Variants in NTNG2 observed in about 807,000 individuals in gnomAD.
The protein encoded by NTNG2 is netrin-G2.
Under a neutral mutation model 47.6 loss-of-function variants are expected in NTNG2, and 15 were observed. The observed-to-expected ratio is 0.32, with a 90% confidence interval of 0.21 to 0.49. NTNG2 has a LOEUF of 0.49. Among genes scored for constraint, NTNG2 ranks in the 20% least tolerant of loss-of-function variants. The pLI, the probability that NTNG2 is intolerant of heterozygous loss-of-function variation, is 0.99. For synonymous variants in NTNG2, 307 were observed against 324.6 expected (o/e 0.95, Z 0.58); for missense variants, 578 against 764.6 (o/e 0.76, Z 2.88).
chr9:132,198,694 A>AACATC, intron 3 of NTNG2, 85 bp downstream of exon 3: 4 of 1,375,138 alleles, frequency 2.9e-6, no homozygotes, highest in Non-Finnish European at 3.0e-6. Flanking sequence ...CTGGGATGTT[A>AACATC]CCTGGTATGT....
At chr9:132,235,749 T>C (rs1841576922) in intron 5 of NTNG2, among the ~76,000 whole-genome samples, 1 of 152,192 alleles carries the variant, frequency 6.6e-6, no homozygotes, top group South Asian at 2.1e-4. Flanking sequence ...GTGATGGGCC[T>C]GAGACCCCGG....
rs911743070 is a variant in NTNG2 at position 132,163,256 on chromosome 9, G to A, written c.-484+1017G>A. Among the ~76,000 whole-genome samples the A allele has an allele frequency of 6.6e-6, 1 of 152,090 alleles. No individual in the cohort carries two copies. Among genetic ancestry groups the A allele is most frequent in the African/African-American group, 2.4e-5 (1 of 41,432 alleles). ...GCACAGGGCTCGCAGCCGGCCCGAA[G>A]CACTGACTCGACCCTGGCCCCGGCC... On this transcript the variant is annotated intron_variant, in intron 1 of 7. Transcript: ENST00000393229. This position sits in a 1 kb window ranked among gnomAD's most constrained non-coding sequence, Gnocchi z 7.2.
At chr9:132,185,311 G>A (rs1837275208) in intron 2 of NTNG2, among the ~76,000 whole-genome samples, 1 of 152,212 alleles carries the variant, frequency 6.6e-6, no homozygotes, top group Non-Finnish European at 1.5e-5. Flanking sequence ...TCAGAGAAGA[G>A]GAGAGGGGGC....
intron 5 of NTNG2, among the ~76,000 whole-genome samples, chr9:132,237,706 G>T (rs1841728769): frequency 6.6e-6 from 1 of 152,234 alleles, no homozygotes; most frequent in Admixed American, 6.5e-5. Flanking sequence ...GGAGCTGGGA[G>T]CAGGTATGAG....
At chr9:132,179,333 G>A (rs922441662) in intron 2 of NTNG2, among the ~76,000 whole-genome samples, 9 of 152,176 alleles carry the variant, frequency 5.9e-5, no homozygotes, top group African/African-American at 1.7e-4. Flanking sequence ...GTGAGCTCCC[G>A]CCTATGTGTC....
At position 132,240,946 on chromosome 9, in the gene NTNG2, G is replaced by A. The variant is rs770040093; in HGVS notation, c.1259G>A (p.Arg420Gln). 6.2e-7 allele frequency: 1 copy of A among 1,612,646 alleles called. No individual in the cohort carries two copies. The highest frequency in any genetic ancestry group is 8.5e-7 in the Non-Finnish European group (1 of 1,179,816). Residue 420 changes from arginine (R) to glutamine (Q), a missense_variant, in exon 7 of 8, where the codon CGG becomes CAG. Arg to Gln is a conservative substitution (Grantham distance 43). Transcript: ENST00000393229. ...NCNQIGSVHD[R>Q]CNETGFCECR... is the part of the protein sequence containing the mutation. Reference sequence around the variant, plus strand: ...AACCAGATAGGCTCCGTGCACGACCGGTGCAACGAGACCGGCTTCTGCGAG... The same window carrying A: ...AACCAGATAGGCTCCGTGCACGACCAGTGCAACGAGACCGGCTTCTGCGAG...
In NTNG2 at chr9:132,237,643, G is replaced by T. The variant is rs146471804; in HGVS notation, c.1055-1461G>T. 3.5e-3 allele frequency among the ~76,000 whole-genome samples: 537 copies of T among 152,326 alleles called. 3 individuals are homozygous for T. Among genetic ancestry groups the T allele is most frequent in the African/African-American group, 0.012 (505 of 41,562 alleles). On this transcript the variant is annotated intron_variant, in intron 5 of 7. Transcript: ENST00000393229. ...TGGCTCCGAAAACCCTCCTGGAGTA[G>T]CTGGGTCAAGGTTAAACTGAGTCTC...
rs936868399 is a variant in NTNG2 at position 132,182,611 on chromosome 9, G to A, written c.214-15355G>A. On this transcript the variant is annotated intron_variant, in intron 2 of 7. Coordinates refer to ENST00000393229, the MANE Select transcript of NTNG2 (RefSeq NM_032536.4). The surrounding 1 kb of genome is among the most constrained non-coding windows in gnomAD (Gnocchi z 4.2). Reference sequence around the variant, plus strand: ...AGCCCTGACTAGCCGTGATGCCCAGGACCTTCCCCCAAGGGGCTCAGGCAT... The same window carrying A: ...AGCCCTGACTAGCCGTGATGCCCAGAACCTTCCCCCAAGGGGCTCAGGCAT... Among the ~76,000 whole-genome samples the A allele has an allele frequency of 2.6e-5, 4 of 152,226 alleles. No homozygotes were observed. Among genetic ancestry groups the A allele is most frequent in the African/African-American group, 9.6e-5 (4 of 41,452 alleles).
At chr9:132,202,713 C>T (rs767425690) in intron 3 of NTNG2, among the ~76,000 whole-genome samples, 3 of 152,182 alleles carry the variant, frequency 2.0e-5, no homozygotes, top group Non-Finnish European at 4.4e-5. Context: ...TTAAGAGAAG[C>T]GGGGCCCAAA....
chr9:132,227,192 T>C (rs1267197566), intron 4 of NTNG2, among the ~76,000 whole-genome samples, 171 bp downstream of exon 4: 2 of 152,160 alleles, frequency 1.3e-5, no homozygotes, highest in Non-Finnish European at 2.9e-5. Flanking sequence ...TGCACAGGCA[T>C]GGGCACACAT....
intron 1 of NTNG2, among the ~76,000 whole-genome samples, chr9:132,165,367 C>T (rs746535169): frequency 1.3e-5 from 2 of 152,110 alleles, no homozygotes; most frequent in African/African-American, 4.8e-5. Flanking sequence ...CAGCAATAAT[C>T]GTAATTGTAA....
At position 132,241,047 on chromosome 9, in the gene NTNG2, G is replaced by A. The variant is rs775721503; in HGVS notation, c.1357+3G>A. 7 of 1,595,362 alleles carry A rather than the reference G, an allele frequency of 4.4e-6. No homozygotes were observed. In the South Asian group the frequency reaches 7.8e-5, roughly 18 times the overall value. ...CTACTGGCGCCAGGGCTGCTACCGT[G>A]AGTGCGCGCCGTCCCCCGTGGGCGG... On this transcript the variant is annotated splice_donor_region_variant and intron_variant, in intron 7 of 7. Coordinates refer to ENST00000393229, the MANE Select transcript of NTNG2 (RefSeq NM_032536.4).
In NTNG2 at chr9:132,208,943, T is replaced by C. The variant is rs1047143102; in HGVS notation, c.857+10334T>C. Among the ~76,000 whole-genome samples, 2 of 151,962 alleles carry C rather than the reference T, an allele frequency of 1.3e-5. No homozygotes were observed. Among genetic ancestry groups the C allele is most frequent in the African/African-American group, 4.8e-5 (2 of 41,370 alleles). ...GCTGTAAGTGGAGTCGTGCGGCAGG[T>C]GGCTTTTTCAAGGGGTCTCCTTCGT... On this transcript the variant is annotated intron_variant, in intron 3 of 7. Coordinates refer to ENST00000393229, the MANE Select transcript of NTNG2 (RefSeq NM_032536.4). This position sits in a 1 kb window ranked among gnomAD's most constrained non-coding sequence, Gnocchi z 4.0.
rs1840330376 is a variant in NTNG2, at chr9:132,221,269, G to T, written c.858-5580G>T. 6.6e-6 allele frequency among the ~76,000 whole-genome samples: 1 copy of T among 152,162 alleles called. No homozygotes were observed. Among genetic ancestry groups the T allele is most frequent in the Non-Finnish European group, 1.5e-5 (1 of 68,034 alleles). On this transcript the variant is annotated intron_variant, in intron 3 of 7. Coordinates refer to ENST00000393229, the MANE Select transcript of NTNG2 (RefSeq NM_032536.4). This position sits in a 1 kb window ranked among gnomAD's most constrained non-coding sequence, Gnocchi z 4.2. ...GGCAGAGGGAACAGCATGTGCAAAGGCCCAGAGAAAAGCAAGATCAGAACA... is the reference window on the plus strand; with the variant it reads ...GGCAGAGGGAACAGCATGTGCAAAGTCCCAGAGAAAAGCAAGATCAGAACA...
rs1835514691 is a variant in NTNG2 at position 132,166,608 on chromosome 9, A to T, written c.-224A>T. 2 of 579,978 alleles carry T rather than the reference A, an allele frequency of 3.4e-6. No homozygotes were observed. Among genetic ancestry groups the T allele is most frequent in the Non-Finnish European group, 6.2e-6 (2 of 323,772 alleles). 35.9% of individuals were successfully genotyped at this position (579,978 alleles called of 1,614,324 possible). A position where few individuals can be genotyped will look rare whatever the true frequency, so the allele number is the denominator to read the frequency against. ...TTATGGGCAACTTTCTGATCTGTCC[A>T]TCAGCAGTCTGAGAAACGCTGGCTC... On this transcript the variant is annotated 5_prime_UTR_variant, in exon 2 of 8. Coordinates refer to ENST00000393229, the MANE Select transcript of NTNG2 (RefSeq NM_032536.4).
At position 132,162,604 on chromosome 9, in the gene NTNG2, G is replaced by A. The variant is rs1357307797; in HGVS notation, c.-484+365G>A. Reference sequence around the variant, plus strand: ...TGTGTGTGTGTGTGTGTGTGTGTGTGTGTGTGTGTGTGTCGGGGAGGGATG... The same window carrying A: ...TGTGTGTGTGTGTGTGTGTGTGTGTATGTGTGTGTGTGTCGGGGAGGGATG... On this transcript the variant is annotated intron_variant, in intron 1 of 7. Coordinates refer to ENST00000393229, the MANE Select transcript of NTNG2 (RefSeq NM_032536.4). The surrounding 1 kb of genome is among the most constrained non-coding windows in gnomAD (Gnocchi z 4.6). Among the ~76,000 whole-genome samples, 1 of 149,132 alleles carries A rather than the reference G, an allele frequency of 6.7e-6. No individual in the cohort carries two copies. The highest frequency in any genetic ancestry group is 2.5e-5 in the African/African-American group (1 of 40,148).
chr9:132,187,169 G>A (rs1351844345), intron 2 of NTNG2, among the ~76,000 whole-genome samples: 2 of 152,268 alleles, frequency 1.3e-5, no homozygotes, highest in Non-Finnish European at 2.9e-5. Context: ...CCTGGGGGAG[G>A]AGCAGGGGCG....
chr9:132,174,096 C>T (rs1292213072), intron 2 of NTNG2, among the ~76,000 whole-genome samples: 4 of 138,020 alleles, frequency 2.9e-5, no homozygotes, highest in Admixed American at 1.4e-4. Context: ...ATAGGCAGGC[C>T]GCACCATGCT....
intron 3 of NTNG2, among the ~76,000 whole-genome samples, chr9:132,202,099 C>T (rs1006913440): frequency 1.3e-5 from 2 of 152,176 alleles, no homozygotes; most frequent in Non-Finnish European, 1.5e-5. Context: ...TGACTTGAGC[C>T]CACCTGGAGC....
Sources: allele counts gnomAD v4.1 joint callset (sites outside exome capture counted in the v4.1 genomes callset), GRCh38; gene constraint gnomAD v4.1.1; non-coding constraint Gnocchi (gnomAD v3.1); transcripts MANE v1.5; gene names NCBI Gene and HGNC (gene_info 2026-07-23, HGNC 2026-07-21).